GNA14: variants seen among roughly 807,000 people sequenced by gnomAD.
GNA14 encodes G protein subunit alpha 14.
GNA14 carries 50 observed loss-of-function variants against 42.0 expected under a neutral mutation model. The ratio of observed to expected loss-of-function variants is 1.19; its 90% CI spans 0.95 to 1.51. GNA14 has a LOEUF of 1.51. Ranked by LOEUF, GNA14 falls within the 40% of genes most tolerant of loss-of-function variation. The pLI is 0.00. For synonymous variants in GNA14, 173 were observed against 163.1 expected (o/e 1.06, Z -0.46); for missense variants, 473 against 446.2 (o/e 1.06, Z -0.54).
At chr9:77,569,575 G>T (rs146963028) in intron 1 of GNA14, among the ~76,000 whole-genome samples, 1 of 152,146 alleles carries the variant, frequency 6.6e-6, no homozygotes, top group East Asian at 1.9e-4. Flanking sequence ...ACTCGGTATA[G>T]TGAGTTCCAC....
intron 1 of GNA14, among the ~76,000 whole-genome samples, chr9:77,545,463 T>C (rs1837708125): frequency 6.6e-6 from 1 of 152,234 alleles, no homozygotes; most frequent in South Asian, 2.1e-4. Flanking sequence ...GTATACATTA[T>C]TTTTTAGCCC....
intron 1 of GNA14, among the ~76,000 whole-genome samples, chr9:77,607,211 G>A (rs1230877033): frequency 6.6e-6 from 1 of 152,190 alleles, no homozygotes; most frequent in African/African-American, 2.4e-5. Flanking sequence ...ATAATAAATA[G>A]AACAGTTACC....
intron 2 of GNA14, among the ~76,000 whole-genome samples, chr9:77,501,157 G>A (rs7874337): frequency 0.026 from 3,900 of 152,198 alleles, 163 homozygotes; most frequent in African/African-American, 0.088. Flanking sequence ...GTTTCACCAT[G>A]TTGGCCAGGC....
rs1331979616 is a variant in GNA14 at position 77,634,489 on chromosome 9, AAGG to A, written c.124+13178_124+13180del. 4.3e-3 allele frequency among the ~76,000 whole-genome samples: 647 copies of A among 149,954 alleles called. 2 individuals are homozygous for A. Among genetic ancestry groups the A allele is most frequent in the Non-Finnish European group, 6.5e-3 (438 of 67,348 alleles). ...GAAGGAGGGAAGGAAGGAAGGAAGG[AAGG>A]AAGGGAGTGAGGGACAGAGGGAGGG... On this transcript the variant is annotated intron_variant, in intron 1 of 6. Transcript: ENST00000341700.
chr9:77,613,927 G>T (rs1396650842), intron 1 of GNA14, among the ~76,000 whole-genome samples: 1 of 152,122 alleles, frequency 6.6e-6, no homozygotes, highest in Non-Finnish European at 1.5e-5. Flanking sequence ...CAAATGTAAG[G>T]GAAGAAACAG....
At position 77,523,825 on chromosome 9, in the gene GNA14, C is replaced by T. The variant is rs766773073; in HGVS notation, c.309+5244G>A. Among the ~76,000 whole-genome samples the T allele has an allele frequency of 2.6e-5, 4 of 152,208 alleles. No homozygotes were observed. In the South Asian group the frequency reaches 6.2e-4, roughly 24 times the overall value. ...TTTTTGAGATGTCAGGTAGGGCTGACCTTTGCCCTTGGGAAATTCTGTATC... is the reference window on the plus strand; with the variant it reads ...TTTTTGAGATGTCAGGTAGGGCTGATCTTTGCCCTTGGGAAATTCTGTATC... On this transcript the variant is annotated intron_variant, in intron 2 of 6. Coordinates refer to ENST00000341700, the MANE Select transcript of GNA14 (RefSeq NM_004297.4).
At chr9:77,433,042 C>G (rs1232846075) in intron 3 of GNA14, among the ~76,000 whole-genome samples, 1 of 152,212 alleles carries the variant, frequency 6.6e-6, no homozygotes, top group East Asian at 1.9e-4. Flanking sequence ...ATTGGTTGTG[C>G]CAACCTGGAT....
At chr9:77,428,758 G>A (rs753476089) in intron 5 of GNA14, 149 bp downstream of exon 5, 1 of 743,676 alleles carries the variant, frequency 1.3e-6, no homozygotes, top group Non-Finnish European at 2.3e-6. Context: ...TGCAGGTGAT[G>A]CCTGTGCTGC....
chr9:77,433,624 A>G (rs117435258), intron 3 of GNA14, among the ~76,000 whole-genome samples: 454 of 152,276 alleles, frequency 3.0e-3, no homozygotes, highest in Non-Finnish European at 3.3e-3. Flanking sequence ...CTGCCTCCCA[A>G]GTCCCTGGGA....
At position 77,424,037 on chromosome 9, in the gene GNA14, AAC is replaced by A. The variant is rs1250236629; in HGVS notation, c.1008_1009del (p.Phe337CysfsTer60). 6.2e-7 allele frequency: 1 copy of A among 1,611,148 alleles called. No homozygotes were observed. The highest frequency in any genetic ancestry group is 8.5e-7 in the Non-Finnish European group (1 of 1,178,606). On this transcript the variant is annotated frameshift_variant, in exon 7 of 7. Coordinates refer to ENST00000341700, the MANE Select transcript of GNA14 (RefSeq NM_004297.4). LOFTEE classifies it high-confidence loss of function. ...TAGAATTGTGTCTTTGACAGCAGCA[AAC>A]ACAAAGCGAATATTGTCTGTATCTG...
At chr9:77,628,988 A>C (rs1564070564) in intron 1 of GNA14, among the ~76,000 whole-genome samples, 1 of 152,188 alleles carries the variant, frequency 6.6e-6, no homozygotes, top group Non-Finnish European at 1.5e-5. Flanking sequence ...CAATCTATCC[A>C]TCTGACAAAG....
At chr9:77,591,181 C>T (rs1374318191) in intron 1 of GNA14, among the ~76,000 whole-genome samples, 1 of 152,122 alleles carries the variant, frequency 6.6e-6, no homozygotes, top group Admixed American at 6.5e-5. Context: ...CTGATCATAC[C>T]CTTCCTACAG....
chr9:77,585,244 C>G (rs1823285428), intron 1 of GNA14, among the ~76,000 whole-genome samples: 1 of 152,096 alleles, frequency 6.6e-6, no homozygotes, highest in Admixed American at 6.5e-5. Flanking sequence ...CCAGAATATC[C>G]CATCCCAAAA....
intron 2 of GNA14, among the ~76,000 whole-genome samples, chr9:77,527,115 C>T (rs893157318): frequency 6.6e-6 from 1 of 152,174 alleles, no homozygotes; most frequent in African/African-American, 2.4e-5. Context: ...CTCACCATGA[C>T]TGGTAAACAA....
chr9:77,484,790 A>C lies in GNA14; in HGVS notation c.309+44279T>G, dbSNP rs186357440. Among the ~76,000 whole-genome samples the C allele has an allele frequency of 2.6e-4, 40 of 152,298 alleles. No individual in the cohort carries two copies. The East Asian group carries it at 6.5e-3, about 25-fold the overall frequency. On this transcript the variant is annotated intron_variant, in intron 2 of 6. Transcript: ENST00000341700. ...AAAATTTCAATAAAATGAGTCACAC[A>C]AATTTTGGTTTCCTAGTACATACAA... is the stretch of plus-strand genomic sequence containing the variant.
chr9:77,500,749 A>G (rs1836952757), intron 2 of GNA14, among the ~76,000 whole-genome samples: 1 of 152,230 alleles, frequency 6.6e-6, no homozygotes, highest in Admixed American at 6.5e-5. Flanking sequence ...AAGTCTCTGA[A>G]GATTCATCCA....
At chr9:77,536,721 A>G (rs1837603751) in intron 1 of GNA14, among the ~76,000 whole-genome samples, 3 of 152,152 alleles carry the variant, frequency 2.0e-5, no homozygotes, top group African/African-American at 7.2e-5. Context: ...GCAATTCCAA[A>G]TATTTCCTGC....
At position 77,568,005 on chromosome 9, in the gene GNA14, GGGAGGAAGAGGA is replaced by G. The variant is rs556112421; in HGVS notation, c.125-38764_125-38753del. Among the ~76,000 whole-genome samples, 499 of 152,348 alleles carry G rather than the reference GGGAGGAAGAGGA, an allele frequency of 3.3e-3. 1 individual carries two copies. Among genetic ancestry groups the G allele is most frequent in the African/African-American group, 0.011 (475 of 41,580 alleles). On this transcript the variant is annotated intron_variant, in intron 1 of 6. Coordinates refer to ENST00000341700, the MANE Select transcript of GNA14 (RefSeq NM_004297.4). ...CTAAATAATTTGTTTTACAGAGGTA[GGGAGGAAGAGGA>G]GGAGGAAGGAAGACTAGAAAGAAAG...
intron 1 of GNA14, among the ~76,000 whole-genome samples, chr9:77,535,807 C>G (rs1587821780): frequency 6.6e-6 from 1 of 151,882 alleles, no homozygotes; most frequent in Admixed American, 6.6e-5. Context: ...TTCTCTGGGG[C>G]CCTTCAAAGG....
Sources: gnomAD v4.1 joint callset for allele counts (sites outside exome capture counted in the v4.1 genomes callset) on GRCh38, gnomAD v4.1.1 for gene constraint, MANE v1.5 for transcripts, NCBI Gene and HGNC (gene_info 2026-07-23, HGNC 2026-07-21) for gene names.